Variants in ARMCX4 observed in about 807,000 individuals in gnomAD.
ARMCX4 encodes the protein armadillo repeat-containing X-linked protein 4.
ARMCX4 carries 3 observed loss-of-function variants against 34.7 expected under a neutral mutation model. The observed-to-expected ratio is 0.09, with a 90% confidence interval of 0.04 to 0.22. The LOEUF (loss-of-function observed/expected upper bound fraction) is 0.22, where lower values mean the gene tolerates loss of function less well. ARMCX4 is among the 10% of genes least tolerant of loss of function. ARMCX4 has a pLI of 1.00. For missense variants in ARMCX4, 1,448 were observed against 1,720.8 expected, an observed-to-expected ratio of 0.84 and a Z score of 2.81; for synonymous variants, 513 against 632.8, an observed-to-expected ratio of 0.81 and a Z score of 2.84.
chrX:101,431,668 C>T lies in ARMCX4; in HGVS notation n.165-12384C>T, dbSNP rs539029412. On this transcript the variant is annotated intron_variant and non_coding_transcript_variant, in intron 2 of 3. Transcript: ENST00000430461. The stretch of plus-strand genomic sequence containing the variant: ...ATGCCATTCTCCTGCCTCAGCCTCC[C>T]GAGTAGCTGGGACTACAGGCACCCG... Among the ~76,000 whole-genome samples the T allele has an allele frequency of 8.1e-5, 9 of 110,929 alleles. No individual in the cohort carries two copies. The South Asian group carries it at 2.7e-3, about 33-fold the overall frequency.
chrX:101,467,134 C>T (rs1932805558), intron 4 of ARMCX4, among the ~76,000 whole-genome samples: 1 of 111,333 alleles, frequency 9.0e-6, no homozygotes, highest in Non-Finnish European at 1.9e-5. Flanking sequence ...TTAAAAAATA[C>T]ACTTGATTTT....
chrX:101,437,900 T>C (rs1211493701), intron 2 of ARMCX4, among the ~76,000 whole-genome samples: 2 of 112,080 alleles, frequency 1.8e-5, no homozygotes, highest in Non-Finnish European at 3.8e-5. Context: ...CATTTCGTTA[T>C]GTACCCAGTA....
intron 4 of ARMCX4, among the ~76,000 whole-genome samples, chrX:101,464,236 C>T (rs1463036840): frequency 2.7e-5 from 3 of 110,104 alleles, no homozygotes; most frequent in South Asian, 4.0e-4. Flanking sequence ...ATTAGCCAGG[C>T]GTGGTGGCGG....
In ARMCX4 at chrX:101,420,955, T is replaced by C. The variant is rs111543442; in HGVS notation, n.164+1955T>C. ...GCTCATGCCTGTAATCCCAGCACTT[T>C]GGGAGGCTGAGGCAGGTGGATCACC... On this transcript the variant is annotated intron_variant and non_coding_transcript_variant, in intron 2 of 3. Transcript: ENST00000430461. 1.3e-3 allele frequency among the ~76,000 whole-genome samples: 142 copies of C among 111,778 alleles called. 1 individual carries two copies. Among genetic ancestry groups the C allele is most frequent in the African/African-American group, 4.1e-3 (126 of 30,788 alleles).
At chrX:101,475,813 C>T (rs1556004122) in intron 4 of ARMCX4, among the ~76,000 whole-genome samples, 1 of 110,756 alleles carries the variant, frequency 9.0e-6, no homozygotes, top group African/African-American at 3.3e-5. Context: ...GTAACACAAT[C>T]GTTTATGTAG....
chrX:101,488,922 A>G lies in ARMCX4; in HGVS notation c.333A>G (p.Pro111=), dbSNP rs1556007692. Residue 111 remains proline (P), a synonymous_variant, in exon 6 of 6, where the codon CCA becomes CCG. Coordinates refer to ENST00000423738, the MANE Select transcript of ARMCX4 (RefSeq NM_001256155.3). ...CCAAGGCAATGGTTGGGGCAGAGCC[A>G]GAGACTCAATCTGAGTCCAAAGTGG... The part of the protein sequence containing the change: ...SQAKAMVGAE[P]ETQSESKVVA... 2 of 1,156,400 alleles carry G rather than the reference A, an allele frequency of 1.7e-6. No homozygotes were observed. Among genetic ancestry groups the G allele is most frequent in the Admixed American group, 5.2e-5 (2 of 38,786 alleles).
chrX:101,508,766 A>G (rs192187758), intron 8 of ARMCX4, among the ~76,000 whole-genome samples: 2 of 111,812 alleles, frequency 1.8e-5, no homozygotes, highest in East Asian at 5.6e-4. Context: ...TCAAAATAAC[A>G]TACTTATATT....
Position 101,488,715 on chromosome X carries a change from A to T in ARMCX4, c.126A>T (p.Gly42=). The T allele has an allele frequency of 8.6e-7, 1 of 1,156,093 alleles. No homozygotes were observed. Among genetic ancestry groups the T allele is most frequent in the East Asian group, 3.2e-5 (1 of 30,789 alleles). The stretch of plus-strand genomic sequence containing the variant: ...GTGTGAGGACTCTTGCCAGAAATGG[A>T]TCCACAGTTAAGATGGAGACTGTGG... ...AQSVRTLARN[G]STVKMETVVG... The change falls in exon 6 of 6, where the codon GGA becomes GGT. Residue 42 remains glycine (G), a synonymous_variant. Transcript: ENST00000423738.
chrX:101,515,341 C>T (rs908854484), intron 11 of ARMCX4, among the ~76,000 whole-genome samples: 116 of 15,757 alleles, frequency 7.4e-3, no homozygotes, highest in African/African-American at 0.025. Context: ...TCTTTCCTTT[C>T]CTTTTCTTTC....
At chrX:101,447,063 T>A (rs1434379318), downstream of ARMCX4, among the ~76,000 whole-genome samples, 4 of 112,040 alleles carry the variant, frequency 3.6e-5, no homozygotes, top group Non-Finnish European at 7.5e-5. Context: ...CAGTTCCTCA[T>A]CATGTGGGTC....
intron 4 of ARMCX4, among the ~76,000 whole-genome samples, chrX:101,462,499 G>A (rs1457229493): frequency 1.8e-5 from 2 of 108,687 alleles, no homozygotes; most frequent in East Asian, 5.8e-4. Context: ...AATTAGCTGG[G>A]CGTGGTGATG....
At position 101,495,204 on chromosome X, in the gene ARMCX4, A is replaced by G. The variant is rs1320046496; in HGVS notation, c.6615A>G (p.Ala2205=). ...SMTKDLLIAN[A]PTSLINIFSK... ...CAAAAGACTTGCTCATTGCCAATGC[A>G]CCAACATCACTGATTAACATTTTTA... Residue 2205 remains alanine (A), a synonymous_variant, in exon 6 of 6, where the codon GCA becomes GCG. Coordinates refer to ENST00000423738, the MANE Select transcript of ARMCX4 (RefSeq NM_001256155.3). The G allele has an allele frequency of 1.7e-6, 2 of 1,149,526 alleles. No individual in the cohort carries two copies. The highest frequency in any genetic ancestry group is 2.3e-6 in the Non-Finnish European group (2 of 866,928). 94.7% of individuals were successfully genotyped at this position (1,149,526 alleles called of 1,213,427 possible). A position where few individuals can be genotyped will look rare whatever the true frequency, so the allele number is the denominator to read the frequency against.
chrX:101,490,457 G>A lies in ARMCX4; in HGVS notation c.1868G>A (p.Gly623Asp). ...HTVLKVGAGE[G>D]TTDSAQPEAV... ...GTGCTTAAGGTGGGGGCTGGAGAAGGTACAACAGACTCTGCCCAGCCTGAG... is the reference window on the plus strand; with the variant it reads ...GTGCTTAAGGTGGGGGCTGGAGAAGATACAACAGACTCTGCCCAGCCTGAG... Residue 623 changes from glycine to aspartate, a missense_variant, in exon 6 of 6, where the codon GGT becomes GAT. Transcript: ENST00000423738. 1.7e-6 allele frequency: 2 copies of A among 1,152,904 alleles called. No homozygotes were observed. Among genetic ancestry groups the A allele is most frequent in the African/African-American group, 1.8e-5 (1 of 55,407 alleles).
chrX:101,480,153 C>CAG (rs1556005139), intron 4 of ARMCX4, among the ~76,000 whole-genome samples: 2 of 98,114 alleles, frequency 2.0e-5, no homozygotes, highest in Non-Finnish European at 4.1e-5. Context: ...CACACACACA[C>CAG]ACACACACAC....
At chrX:101,437,246 C>G (rs1228287104) in intron 2 of ARMCX4, among the ~76,000 whole-genome samples, 1 of 111,712 alleles carries the variant, frequency 9.0e-6, no homozygotes, top group East Asian at 2.8e-4. Flanking sequence ...GTACCTCTGG[C>G]AGAATTTGGC....
chrX:101,514,129 A>G (rs1297677850), intron 11 of ARMCX4, among the ~76,000 whole-genome samples: 2 of 111,376 alleles, frequency 1.8e-5, no homozygotes, highest in African/African-American at 6.5e-5. Context: ...CTTAACTTCA[A>G]TGGAATCATT....
chrX:101,499,271 C>T (rs1256791645), downstream of ARMCX4: 2 of 111,435 alleles, frequency 1.8e-5, no homozygotes, highest in Admixed American at 9.6e-5. Flanking sequence ...GATGGCTCCT[C>T]GAAGTATGGA....
intron 2 of ARMCX4, among the ~76,000 whole-genome samples, chrX:101,425,923 C>A (rs781885689): frequency 9.0e-6 from 1 of 110,737 alleles, no homozygotes; most frequent in African/African-American, 3.3e-5. Context: ...TGGGCTCAGG[C>A]GATTCTCCCA....
In ARMCX4 at chrX:101,515,393, C is replaced by CTTTCTTTCTTT. The variant is rs1556017492; in HGVS notation, c.*1780+4338_*1780+4339insTTTCTTTCTTT. 6.1e-3 allele frequency among the ~76,000 whole-genome samples: 64 copies of CTTTCTTTCTTT among 10,412 alleles called. 4 individuals carry two copies. The highest frequency in any genetic ancestry group is 0.091 in the Middle Eastern group (1 of 11). 9.0% of individuals were successfully genotyped at this position (10,412 alleles called of 115,157 possible). A position where few individuals can be genotyped will look rare whatever the true frequency, so the allele number is the denominator to read the frequency against. Reference sequence around the variant, plus strand: ...TTTCTTTCTTTCTTTTTCTTTCTTTCCCTCCCTCCCTCCCTCCCTCTCTTC... The same window carrying CTTTCTTTCTTT: ...TTTCTTTCTTTCTTTTTCTTTCTTTCTTTCTTTCTTTCCTCCCTCCCTCCCTCCCTCTCTTC... On this transcript the variant is annotated intron_variant and NMD_transcript_variant, in intron 11 of 12. Transcript: ENST00000354842.
Sources: allele counts gnomAD v4.1 joint callset (sites outside exome capture counted in the v4.1 genomes callset), GRCh38; gene constraint gnomAD v4.1.1; transcripts MANE v1.5; gene names NCBI Gene and HGNC (gene_info 2026-07-23, HGNC 2026-07-21).